Variants in DGKB observed in about 807,000 individuals in gnomAD.
The protein encoded by DGKB is 90 kDa diacylglycerol kinase.
A neutral mutation model predicts 114.3 loss-of-function variants in DGKB; 67 were observed. That is an observed-to-expected ratio of 0.59 (90% confidence interval 0.48 to 0.72). The LOEUF (loss-of-function observed/expected upper bound fraction) is 0.72. DGKB is among the 30% of genes least tolerant of loss of function. The pLI, the probability that DGKB is intolerant of heterozygous loss-of-function variation, is 0.00. For missense variants in DGKB, 907 were observed against 975.2 expected (o/e 0.93, Z 0.93); for synonymous variants, 398 against 323.1 (o/e 1.23, Z -2.49).
chr7:14,753,500 G>A (rs1834407201), intron 4 of DGKB, among the ~76,000 whole-genome samples: 1 of 151,812 alleles, frequency 6.6e-6, no homozygotes, highest in African/African-American at 2.4e-5. Flanking sequence ...TCACAGCACT[G>A]TAGACAAAAC....
intron 23 of DGKB, among the ~76,000 whole-genome samples, chr7:14,237,325 C>T (rs771440011): frequency 6.6e-6 from 1 of 151,824 alleles, no homozygotes; most frequent in East Asian, 1.9e-4. Context: ...TCCCTTCCTC[C>T]ATTCCTCCCT....
intron 13 of DGKB, among the ~76,000 whole-genome samples, chr7:14,663,994 A>G (rs1041554252): frequency 6.6e-6 from 1 of 151,910 alleles, no homozygotes; most frequent in African/African-American, 2.4e-5. Flanking sequence ...GAGGTTCATG[A>G]AATCTTTACA....
At chr7:14,260,244 A>C (rs796740819) in intron 23 of DGKB, among the ~76,000 whole-genome samples, 18 of 152,298 alleles carry the variant, frequency 1.2e-4, no homozygotes, top group African/African-American at 4.3e-4. Context: ...ACATTTATAG[A>C]ATGCACACTT....
intron 1 of DGKB, among the ~76,000 whole-genome samples, chr7:14,872,711 C>G (rs368022057): frequency 3.3e-4 from 50 of 151,998 alleles, no homozygotes; most frequent in African/African-American, 1.1e-3. Flanking sequence ...TTTCTTTACT[C>G]AAGGACACTC....
intron 19 of DGKB, among the ~76,000 whole-genome samples, chr7:14,579,963 T>C (rs1267709832): frequency 1.3e-5 from 2 of 152,186 alleles, no homozygotes; most frequent in South Asian, 2.1e-4. Flanking sequence ...ATATTTAGCA[T>C]TCAAGTCCTG....
chr7:14,301,102 T>C (rs912237520), intron 23 of DGKB, among the ~76,000 whole-genome samples: 1 of 152,158 alleles, frequency 6.6e-6, no homozygotes, highest in African/African-American at 2.4e-5. Context: ...TAATAAAAGA[T>C]TACACTTTTT....
chr7:14,262,133 G>A (rs1796868494), intron 23 of DGKB, among the ~76,000 whole-genome samples: 1 of 152,266 alleles, frequency 6.6e-6, no homozygotes, highest in African/African-American at 2.4e-5. Context: ...CCAAGATAAT[G>A]ACGTATCAGT....
At chr7:14,655,690 A>C (rs1815638472) in intron 13 of DGKB, among the ~76,000 whole-genome samples, 1 of 151,690 alleles carries the variant, frequency 6.6e-6, no homozygotes. Context: ...TGCACAATGG[A>C]ATACTATTCA....
At chr7:14,289,760 A>C (rs1801451464) in intron 23 of DGKB, among the ~76,000 whole-genome samples, 2 of 151,212 alleles carry the variant, frequency 1.3e-5, no homozygotes, top group African/African-American at 2.4e-5. Context: ...AAAAAAAAAA[A>C]AAACACAAAA....
At chr7:14,384,453 C>A (rs572870411) in intron 21 of DGKB, among the ~76,000 whole-genome samples, 5 of 152,186 alleles carry the variant, frequency 3.3e-5, no homozygotes, top group African/African-American at 1.2e-4. Flanking sequence ...GTATTAGATA[C>A]CCCCACCACT....
intron 1 of DGKB, among the ~76,000 whole-genome samples, 169 bp from the exon 2 acceptor site, chr7:14,841,619 T>C (rs2286768): frequency 0.24 from 35,874 of 152,108 alleles, 5,004 homozygotes; most frequent in African/African-American, 0.39. Context: ...TTTTTATGTC[T>C]AGTTTTACAA....
intron 23 of DGKB, among the ~76,000 whole-genome samples, chr7:14,261,193 C>T (rs1324820299): frequency 6.6e-6 from 1 of 151,504 alleles, no homozygotes; most frequent in Non-Finnish European, 1.5e-5. Flanking sequence ...GGGTTGCCCA[C>T]TACCAAAATA....
rs73680181 is a variant in DGKB, at chr7:14,684,552, T to C, written c.829+693A>G. On this transcript the variant is annotated intron_variant, in intron 10 of 25. Coordinates refer to ENST00000402815, the MANE Select transcript of DGKB (RefSeq NM_001350709.2). Reference sequence around the variant, plus strand: ...AGATTTAAAATTACTTAGGTGATTTTATAAACTAACTGTTATATACACTAT... The same window carrying C: ...AGATTTAAAATTACTTAGGTGATTTCATAAACTAACTGTTATATACACTAT... Among the ~76,000 whole-genome samples, 1,427 of 152,300 alleles carry C rather than the reference T, an allele frequency of 9.4e-3. 22 individuals are homozygous for C. Among genetic ancestry groups the C allele is most frequent in the African/African-American group, 0.033 (1,356 of 41,574 alleles).
intron 23 of DGKB, among the ~76,000 whole-genome samples, chr7:14,320,726 G>A (rs1212473506): frequency 6.6e-6 from 1 of 151,950 alleles, no homozygotes; most frequent in East Asian, 1.9e-4. Flanking sequence ...CTGACACAAA[G>A]CTATAAGCCT....
chr7:14,340,759 C>CT (rs1468662625), intron 22 of DGKB, among the ~76,000 whole-genome samples: 1 of 151,754 alleles, frequency 6.6e-6, no homozygotes, highest in Non-Finnish European at 1.5e-5. Context: ...AAAGGTCTGG[C>CT]TTCCCCCAAA....
chr7:14,329,766 T>G (rs528199596), intron 23 of DGKB, among the ~76,000 whole-genome samples: 2 of 152,162 alleles, frequency 1.3e-5, no homozygotes, highest in African/African-American at 4.8e-5. Context: ...TAGCCTCATA[T>G]CTGGAAACTT....
chr7:14,752,094 G>A (rs936281905), intron 4 of DGKB, among the ~76,000 whole-genome samples: 2 of 152,110 alleles, frequency 1.3e-5, no homozygotes, highest in African/African-American at 4.8e-5. Flanking sequence ...GATCCGTTAA[G>A]ATGAATTCGG....
intron 12 of DGKB, among the ~76,000 whole-genome samples, chr7:14,676,523 A>G (rs1043180743): frequency 2.1e-4 from 32 of 152,130 alleles, no homozygotes; most frequent in African/African-American, 7.2e-4. Flanking sequence ...CTGTATCAAA[A>G]CATCTCATGT....
intron 23 of DGKB, among the ~76,000 whole-genome samples, chr7:14,212,649 C>A (rs1033932657): frequency 4.6e-5 from 7 of 152,078 alleles, no homozygotes; most frequent in African/African-American, 1.2e-4. Flanking sequence ...TAATCCCCAG[C>A]TTAGAGTAAA....
Sources: allele counts gnomAD v4.1 joint callset (sites outside exome capture counted in the v4.1 genomes callset), GRCh38; gene constraint gnomAD v4.1.1; transcripts MANE v1.5; gene names NCBI Gene and HGNC (gene_info 2026-07-23, HGNC 2026-07-21).